The following SHOX2 variants were observed in gnomAD, a reference collection of about 807,000 sequenced individuals.
SHOX2 encodes short stature homeobox protein 2.
Under a neutral mutation model 31.3 loss-of-function variants are expected in SHOX2, and 13 were observed. That is an observed-to-expected ratio of 0.42 (90% CI 0.27 to 0.66). The LOEUF (loss-of-function observed/expected upper bound fraction) is 0.66, where lower values mean the gene tolerates loss of function less well. Ranked by LOEUF, SHOX2 falls within the 30% of genes least tolerant of loss-of-function variation. The pLI is 0.27. For synonymous variants in SHOX2, 244 were observed against 196.2 expected (o/e 1.24, Z -2.04); for missense variants, 473 against 443.0 (o/e 1.07, Z -0.61).
chr3:158,102,407 G>T (rs909197351), intron 2 of SHOX2, among the ~76,000 whole-genome samples: 15 of 151,970 alleles, frequency 9.9e-5, no homozygotes, highest in African/African-American at 3.4e-4. Flanking sequence ...GCGAGGCAAG[G>T]GGGGTGTGGT....
At chr3:158,104,901 C>T (rs1713765461) in intron 1 of SHOX2, among the ~76,000 whole-genome samples, 1 of 152,146 alleles carries the variant, frequency 6.6e-6, no homozygotes, top group Non-Finnish European at 1.5e-5. Flanking sequence ...ATAGAACGCT[C>T]TGCCATTGAG....
rs1713579960 is a variant in SHOX2, at chr3:158,102,735, G to A, written c.498C>T (p.Asp166=). 6.2e-7 allele frequency: 1 copy of A among 1,614,100 alleles called. No individual in the cohort carries two copies. Among genetic ancestry groups the A allele is most frequent in the Non-Finnish European group, 8.5e-7 (1 of 1,180,034 alleles). ...ERLFDETHYP[D]AFMREELSQR... is the part of the protein sequence containing the mutation. ...GGCTCAGTTCCTCTCGCATGAAGGCGTCGGGATAGTGGGTCTCGTCAAAAA... is the reference window on the plus strand; with the variant it reads ...GGCTCAGTTCCTCTCGCATGAAGGCATCGGGATAGTGGGTCTCGTCAAAAA... The change falls in exon 2 of 5, where the codon GAC becomes GAT. Residue 166 remains aspartate (D), a synonymous_variant. Coordinates refer to ENST00000483851, the MANE Select transcript of SHOX2 (RefSeq NM_001163678.2).
At chr3:158,104,789 G>A (rs1713749800) in intron 1 of SHOX2, among the ~76,000 whole-genome samples, 1 of 152,152 alleles carries the variant, frequency 6.6e-6, no homozygotes, top group Admixed American at 6.5e-5. Flanking sequence ...GTGATTCCAC[G>A]CATGCCACAT....
At chr3:158,099,540 A>T (rs1713353330) in intron 4 of SHOX2, among the ~76,000 whole-genome samples, 2 of 152,214 alleles carry the variant, frequency 1.3e-5, no homozygotes, top group Admixed American at 1.3e-4. Context: ...TAACCTCTGT[A>T]TTGGATTTGA....
chr3:158,105,093 G>A lies in SHOX2; in HGVS notation c.346+586C>T, dbSNP rs778334814. On this transcript the variant is annotated intron_variant, in intron 1 of 4. Coordinates refer to ENST00000483851, the MANE Select transcript of SHOX2 (RefSeq NM_001163678.2). Reference sequence around the variant, plus strand: ...AAACGCCTCGCCCGGGAGAAGCAGCGTAGCCTGGACCTCAGCTTTCGTTGG... The same window carrying A: ...AAACGCCTCGCCCGGGAGAAGCAGCATAGCCTGGACCTCAGCTTTCGTTGG... 4.0e-6 allele frequency: 6 copies of A among 1,507,418 alleles called. No homozygotes were observed. In the South Asian group the frequency reaches 6.0e-5, roughly 15 times the overall value. The allele number at this position is 1,507,418 out of a possible 1,614,324, so 93.4% of individuals were successfully genotyped here.
chr3:158,101,137 A>G (rs1713462739), intron 2 of SHOX2, among the ~76,000 whole-genome samples: 1 of 152,242 alleles, frequency 6.6e-6, no homozygotes, highest in South Asian at 2.1e-4. Context: ...TAAAATTCAA[A>G]TAAAGCTTGC....
rs1213513469 is a variant in SHOX2, at chr3:158,102,829, T to A, written c.404A>T (p.Gln135Leu). Residue 135 changes from glutamine to leucine, a missense_variant, in exon 2 of 5, where the codon CAG becomes CTG. This residue lies in a region of SHOX2 where 276 missense variants were observed against 230.0 expected (regional missense o/e 1.20). Transcript: ENST00000483851. ...EDAKGMEDEG[Q>L]TKIKQRRSRT... ...ACTTCGCCTCTGCTTGATTTTGGTC[T>A]GGCCTTCGTCCTCCATCCCTTTCGC... 6.2e-7 allele frequency: 1 copy of A among 1,614,114 alleles called. No individual in the cohort carries two copies. The highest frequency in any genetic ancestry group is 1.7e-5 in the Admixed American group (1 of 60,026).
Position 158,105,740 on chromosome 3 carries a change from C to A in SHOX2, c.285G>T (p.Arg95=). The A allele has an allele frequency of 6.6e-7, 1 of 1,524,216 alleles. No individual in the cohort carries two copies. Among genetic ancestry groups the A allele is most frequent in the African/African-American group, 1.4e-5 (1 of 70,276 alleles). 94.4% of individuals were successfully genotyped at this position (1,524,216 alleles called of 1,614,324 possible). The change falls in exon 1 of 5, where the codon CGG becomes CGT. Residue 95 remains arginine (R), a synonymous_variant. Coordinates refer to ENST00000483851, the MANE Select transcript of SHOX2 (RefSeq NM_001163678.2). Reference sequence around the variant, plus strand: ...TCTCGGCGGCGCCCATGTCCAGCTCCCGGACGGGAGAGCGCCCTCCTCCAG... The same window carrying A: ...TCTCGGCGGCGCCCATGTCCAGCTCACGGACGGGAGAGCGCCCTCCTCCAG... The part of the protein sequence containing the change: ...GGAGGGRSPV[R]ELDMGAAERS...
At position 158,097,691 on chromosome 3, in the gene SHOX2, C is replaced by G; in HGVS notation, c.*336G>C. On this transcript the variant is annotated 3_prime_UTR_variant, in exon 5 of 5. Transcript: ENST00000483851. Reference sequence around the variant, plus strand: ...TTTTCTATGCAAGAGTCCATCGTTGCAGCTTTGCGGTGAGCCAAACTCCGC... The same window carrying G: ...TTTTCTATGCAAGAGTCCATCGTTGGAGCTTTGCGGTGAGCCAAACTCCGC... The G allele has an allele frequency of 3.7e-6, 1 of 268,410 alleles. No individual in the cohort carries two copies. Among genetic ancestry groups the G allele is most frequent in the Non-Finnish European group, 7.0e-6 (1 of 143,750 alleles). 16.6% of individuals were successfully genotyped at this position (268,410 alleles called of 1,614,324 possible).
Position 158,100,322 on chromosome 3 carries a change from G to C in SHOX2, c.556-11C>G, listed in dbSNP as rs1713419293. On this transcript the variant is annotated splice_polypyrimidine_tract_variant and intron_variant, in intron 2 of 4. Coordinates refer to ENST00000483851, the MANE Select transcript of SHOX2 (RefSeq NM_001163678.2). ...ATTTTGAAACCAAACCTATAGGTTG[G>C]AGGGGGAAAAAAAATAAAACCTAGA... 1.7e-5 allele frequency: 27 copies of C among 1,576,310 alleles called. No homozygotes were observed. The East Asian group carries it at 5.8e-4, about 34-fold the overall frequency.
intron 2 of SHOX2, among the ~76,000 whole-genome samples, chr3:158,100,784 A>T (rs981002088): frequency 1.3e-5 from 2 of 152,256 alleles, no homozygotes; most frequent in Non-Finnish European, 2.9e-5. Flanking sequence ...AGTGTCATAA[A>T]AGCCTCACTA....
Position 158,097,637 on chromosome 3 carries a change from C to T in SHOX2, c.*390G>A. 1 of 175,188 alleles carries T rather than the reference C, an allele frequency of 5.7e-6. No individual in the cohort carries two copies. The highest frequency in any genetic ancestry group is 1.2e-5 in the Non-Finnish European group (1 of 84,278). 10.9% of individuals were successfully genotyped at this position (175,188 alleles called of 1,614,324 possible). ...GTTTGTCTTTCGATTTTTTTGTTTG[C>T]TCATTTTTTCATTGTTAACAAGATT... On this transcript the variant is annotated 3_prime_UTR_variant, in exon 5 of 5. Transcript: ENST00000483851.
At chr3:158,103,046 C>T (rs1578078406) in intron 1 of SHOX2, 160 bp from the exon 2 acceptor site, 2 of 720,786 alleles carry the variant, frequency 2.8e-6, no homozygotes, top group East Asian at 5.4e-5. Flanking sequence ...GGTCCGGCTT[C>T]TCAACCCACC....
At position 158,102,747 on chromosome 3, in the gene SHOX2, G is replaced by C. The variant is rs972450306; in HGVS notation, c.486C>G (p.Thr162=). The stretch of plus-strand genomic sequence containing the variant: ...CTCGCATGAAGGCGTCGGGATAGTG[G>C]GTCTCGTCAAAAAGCCTCTCCAGCT... ...LNELERLFDE[T]HYPDAFMREE... The change falls in exon 2 of 5, where the codon ACC becomes ACG. Residue 162 remains threonine, a synonymous_variant. Coordinates refer to ENST00000483851, the MANE Select transcript of SHOX2 (RefSeq NM_001163678.2). The C allele has an allele frequency of 3.7e-6, 6 of 1,614,058 alleles. No individual in the cohort carries two copies. The highest frequency in any genetic ancestry group is 4.2e-6 in the Non-Finnish European group (5 of 1,180,024).
At chr3:158,100,186 G>T in intron 3 of SHOX2, 68 bp downstream of exon 3, 3 of 1,284,378 alleles carry the variant, frequency 2.3e-6, no homozygotes, top group South Asian at 1.3e-5. Flanking sequence ...TTCTGTCATT[G>T]TAATAGTAAT....
At position 158,105,786 on chromosome 3, in the gene SHOX2, C is replaced by G. The variant is rs745893880; in HGVS notation, c.239G>C (p.Gly80Ala). 1 of 1,496,018 alleles carries G rather than the reference C, an allele frequency of 6.7e-7. No individual in the cohort carries two copies. Among genetic ancestry groups the G allele is most frequent in the Non-Finnish European group, 8.9e-7 (1 of 1,125,756 alleles). 92.7% of individuals were successfully genotyped at this position (1,496,018 alleles called of 1,614,324 possible). A position where few individuals can be genotyped will look rare whatever the true frequency, so the allele number is the denominator to read the frequency against. Residue 80 changes from glycine to alanine, a missense_variant, in exon 1 of 5, where the codon GGA (glycine) becomes GCA (alanine). This residue lies in a region of SHOX2 where 276 missense variants were observed against 230.0 expected (regional missense o/e 1.20). Transcript: ENST00000483851. ...GGGGGGGGVGGGGAGGGAGGG... is the reference protein window; with the variant it reads ...GGGGGGGGVGAGGAGGGAGGG... ...TCCAGCTCCTCCGCCTGCTCCTCCTCCTCCTACACCTCCTCCGCCTCCTCC... is the reference window on the plus strand; with the variant it reads ...TCCAGCTCCTCCGCCTGCTCCTCCTGCTCCTACACCTCCTCCGCCTCCTCC...
chr3:158,105,535 A>C, intron 1 of SHOX2, 144 bp downstream of exon 1: 1 of 695,518 alleles, frequency 1.4e-6, no homozygotes. Context: ...CCCTTCCACT[A>C]TCACTCTAGC....
At chr3:158,099,454 A>G (rs1225306943) in intron 4 of SHOX2, among the ~76,000 whole-genome samples, 1 of 152,256 alleles carries the variant, frequency 6.6e-6, no homozygotes, top group Non-Finnish European at 1.5e-5. Context: ...CTTCTGTCAG[A>G]GTTATTTAAT....
intron 4 of SHOX2, 143 bp from the exon 5 acceptor site, chr3:158,098,427 T>C: frequency 9.9e-7 from 1 of 1,011,830 alleles, no homozygotes; most frequent in East Asian, 2.5e-5. Context: ...GCTGTGCATC[T>C]TGTTCCGACA....
Sources: gnomAD v4.1 joint callset for allele counts (sites outside exome capture counted in the v4.1 genomes callset) on GRCh38, gnomAD v4.1.1 for gene constraint, gnomAD v4.1.1 regional missense constraint, MANE v1.5 for transcripts, NCBI Gene and HGNC (gene_info 2026-07-23, HGNC 2026-07-21) for gene names.